Variants in ANK2 observed in about 807,000 individuals in gnomAD.
The protein encoded by ANK2 is ankyrin 2, also known as ankyrin-2.
In ANK2, 83 loss-of-function variants were observed where a neutral mutation model predicts 360.5. That is an observed-to-expected ratio of 0.23 (90% CI 0.19 to 0.28). ANK2 has a LOEUF of 0.28. ANK2 is among the 10% of genes least tolerant of loss of function. ANK2 has a pLI of 1.00. For synonymous variants in ANK2, 1,740 were observed against 1,759.5 expected, an observed-to-expected ratio of 0.99 and a Z score of 0.28; for missense variants, 4,201 against 4,795.7, an observed-to-expected ratio of 0.88 and a Z score of 3.66.
At position 113,255,855 on chromosome 4, in the gene ANK2, G is replaced by A. The variant is rs759437203; in HGVS notation, c.1111G>A (p.Val371Ile). The A allele has an allele frequency of 1.6e-5, 26 of 1,614,058 alleles. No individual in the cohort carries two copies. The highest frequency in any genetic ancestry group is 4.0e-5 in the African/African-American group (3 of 74,922). ...VTLDYLTALH[V>I]AAHCGHYRVT... ...CCTAGACTACCTGACAGCCCTCCAC[G>A]TTGCTGCGCACTGTGGCCACTACCG... The change falls in exon 11 of 46, where the codon GTT (valine) becomes ATT (isoleucine). Residue 371 changes from valine to isoleucine, a missense_variant. Physicochemically the swap from Val to Ile is conservative, Grantham distance 29. Transcript: ENST00000357077.
intron 2 of ANK2, among the ~76,000 whole-genome samples, chr4:113,002,206 T>G (rs902889665): frequency 1.3e-5 from 2 of 152,036 alleles, no homozygotes; most frequent in African/African-American, 4.8e-5. Context: ...GCCATCCCAT[T>G]ACTGGGTATA....
chr4:113,312,485 A>G (rs1587951170), intron 24 of ANK2, among the ~76,000 whole-genome samples: 1 of 151,866 alleles, frequency 6.6e-6, no homozygotes, highest in African/African-American at 2.4e-5. Flanking sequence ...TTCCTTGAGC[A>G]CCAATGCCCC....
chr4:113,294,875 T>C (rs1167224057), intron 22 of ANK2, among the ~76,000 whole-genome samples: 1 of 152,210 alleles, frequency 6.6e-6, no homozygotes, highest in African/African-American at 2.4e-5. Flanking sequence ...TTTTATGATT[T>C]CTTATACCAG....
intron 1 of ANK2, among the ~76,000 whole-genome samples, chr4:112,904,227 C>A (rs2084439787): frequency 6.6e-6 from 1 of 152,160 alleles, no homozygotes; most frequent in African/African-American, 2.4e-5. Flanking sequence ...GATTAATAGG[C>A]TATTTTTCAT....
intron 1 of ANK2, among the ~76,000 whole-genome samples, chr4:112,842,708 C>G (rs886391190): frequency 6.6e-6 from 1 of 152,204 alleles, no homozygotes; most frequent in African/African-American, 2.4e-5. Flanking sequence ...ACTGGCCGCT[C>G]AGCTCCTGCT....
chr4:113,381,523 T>C lies in ANK2; in HGVS notation c.*52T>C. The C allele has an allele frequency of 6.2e-7, 1 of 1,613,898 alleles. No individual in the cohort carries two copies. The highest frequency in any genetic ancestry group is 8.5e-7 in the Non-Finnish European group (1 of 1,179,920). On this transcript the variant is annotated 3_prime_UTR_variant, in exon 46 of 46. Transcript: ENST00000357077. ...TGAAGGACCAGCATGGAAAACGCATTGACTTGGAGCACCTGGAGGATGTAC... is the reference window on the plus strand; with the variant it reads ...TGAAGGACCAGCATGGAAAACGCATCGACTTGGAGCACCTGGAGGATGTAC...
intron 2 of ANK2, among the ~76,000 whole-genome samples, chr4:112,954,590 GT>G (rs2095243976): frequency 6.6e-6 from 1 of 151,972 alleles, no homozygotes; most frequent in South Asian, 2.1e-4. Flanking sequence ...CAATTCCTGG[GT>G]TTTACTACTC....
intron 2 of ANK2, among the ~76,000 whole-genome samples, chr4:113,186,002 C>A (rs6533671): frequency 0.48 from 73,070 of 152,026 alleles, 18,074 homozygotes; most frequent in African/African-American, 0.6. Context: ...TTCCTGCCTG[C>A]CAGCTCTGAA....
chr4:112,823,000 GTTAA>G (rs1257188558), intron 1 of ANK2, among the ~76,000 whole-genome samples: 2 of 152,110 alleles, frequency 1.3e-5, no homozygotes, highest in Admixed American at 6.5e-5. Flanking sequence ...ATGCCCATCT[GTTAA>G]TTATTCAGTC....
chr4:112,932,992 A>G (rs2154238975), intron 2 of ANK2, among the ~76,000 whole-genome samples: 1 of 152,306 alleles, frequency 6.6e-6, no homozygotes, highest in African/African-American at 2.4e-5. Flanking sequence ...GTTAAGGGGC[A>G]TGATTCATGA....
At chr4:112,781,051 G>A in the ANK2 span, among the ~76,000 whole-genome samples, 1 of 152,134 alleles carries the variant, frequency 6.6e-6, no homozygotes, top group African/African-American at 2.4e-5. Flanking sequence ...TCAGGCTGGA[G>A]TGCAGTGGTG....
At chr4:112,780,023 G>T in the ANK2 span, among the ~76,000 whole-genome samples, 3 of 152,220 alleles carry the variant, frequency 2.0e-5, no homozygotes, top group Non-Finnish European at 4.4e-5. Flanking sequence ...AGGAGTTCAA[G>T]ACCAGCTTGG....
At chr4:113,218,158 G>A (rs362493) in intron 4 of ANK2, among the ~76,000 whole-genome samples, 7,151 of 152,062 alleles carry the variant, frequency 0.047, 245 homozygotes, top group Non-Finnish European at 0.075. Flanking sequence ...TTGTTCTAAT[G>A]CTCTAACCTT....
At chr4:112,988,001 C>G (rs191600178) in intron 2 of ANK2, among the ~76,000 whole-genome samples, 1 of 152,200 alleles carries the variant, frequency 6.6e-6, no homozygotes, top group East Asian at 1.9e-4. Context: ...AGAGCTAGCA[C>G]GACCAAGGAG....
At chr4:113,261,980 G>C (rs2053174771) in intron 13 of ANK2, among the ~76,000 whole-genome samples, 1 of 152,146 alleles carries the variant, frequency 6.6e-6, no homozygotes, top group African/African-American at 2.4e-5. Context: ...TTGAACCAAA[G>C]AGGTGGAGGT....
chr4:113,151,208 A>G (rs2097066680), intron 1 of ANK2: 1 of 1,142,850 alleles, frequency 8.8e-7, no homozygotes, highest in Non-Finnish European at 1.2e-6. Flanking sequence ...TGCTCAAAAA[A>G]GGAATGTACC....
chr4:112,899,656 A>T (rs2082720230), intron 1 of ANK2, among the ~76,000 whole-genome samples: 1 of 152,180 alleles, frequency 6.6e-6, no homozygotes, highest in Admixed American at 6.6e-5. Flanking sequence ...TTTTAGTGGT[A>T]GTGTCTTAGT....
chr4:113,320,112 A>G (rs1456404264), intron 26 of ANK2, among the ~76,000 whole-genome samples: 3 of 152,228 alleles, frequency 2.0e-5, no homozygotes, highest in Non-Finnish European at 4.4e-5. Flanking sequence ...AGGGCAGTAA[A>G]GTAGTCTAAG....
intron 1 of ANK2, among the ~76,000 whole-genome samples, chr4:112,853,872 A>G (rs1478240112): frequency 3.9e-5 from 6 of 152,220 alleles, no homozygotes; most frequent in Admixed American, 2.0e-4. Flanking sequence ...TGGTGTAGAA[A>G]TAAATGCATT....
Sources: allele counts gnomAD v4.1 joint callset (sites outside exome capture counted in the v4.1 genomes callset), GRCh38; gene constraint gnomAD v4.1.1; transcripts MANE v1.5; gene names NCBI Gene and HGNC (gene_info 2026-07-23, HGNC 2026-07-21).